Variants in ZNF280C observed in about 807,000 individuals in gnomAD.
ZNF280C encodes the protein zinc finger protein 280C.
ZNF280C carries 14 observed loss-of-function variants against 53.6 expected under a neutral mutation model. The ratio of observed to expected loss-of-function variants is 0.26; its 90% CI spans 0.17 to 0.41. The LOEUF (loss-of-function observed/expected upper bound fraction) is 0.41, where lower values mean the gene tolerates loss of function less well. ZNF280C is among the 10% of genes least tolerant of loss of function. The probability of loss-of-function intolerance (pLI) is 1.00; values close to 1 mark genes in which losing one functional copy is unlikely to be tolerated. For synonymous variants in ZNF280C, 203 were observed against 181.1 expected (o/e 1.12, Z -0.97); for missense variants, 416 against 547.1 (o/e 0.76, Z 2.39).
intron 1 of ZNF280C, among the ~76,000 whole-genome samples, chrX:130,266,358 G>A (rs1355693008): frequency 9.0e-6 from 1 of 111,480 alleles, no homozygotes; most frequent in Non-Finnish European, 1.9e-5. Context: ...TGGGACAGAT[G>A]GGGAAAAGAT....
intron 5 of ZNF280C, among the ~76,000 whole-genome samples, chrX:130,241,913 TTCC>T (rs2032394244): frequency 9.3e-6 from 1 of 107,718 alleles, no homozygotes; most frequent in Non-Finnish European, 1.9e-5. Flanking sequence ...GAGCCTGAGT[TTCC>T]TCAACTATAA....
At chrX:130,206,476 C>A (rs1398287932) in intron 16 of ZNF280C, among the ~76,000 whole-genome samples, 1 of 106,620 alleles carries the variant, frequency 9.4e-6, no homozygotes, top group Admixed American at 1.0e-4. Flanking sequence ...ATGCCATTCT[C>A]CTGCCTCAGC....
chrX:130,226,999 A>G, intron 11 of ZNF280C, 94 bp from the exon 12 acceptor site: 1 of 791,885 alleles, frequency 1.3e-6, no homozygotes, highest in Non-Finnish European at 1.8e-6. Flanking sequence ...TGTTTGGAAG[A>G]ACATGTACTA....
intron 1 of ZNF280C, among the ~76,000 whole-genome samples, chrX:130,268,122 A>G (rs1241482420): frequency 9.0e-6 from 1 of 111,719 alleles, no homozygotes; most frequent in Non-Finnish European, 1.9e-5. Context: ...GTTAGAATAT[A>G]GTGTATTTAA....
chrX:130,255,670 G>A (rs1395992888), intron 2 of ZNF280C, among the ~76,000 whole-genome samples: 1 of 112,003 alleles, frequency 8.9e-6, no homozygotes, highest in African/African-American at 3.2e-5. Flanking sequence ...GAAATTGCCA[G>A]GTGGCTGAGT....
In ZNF280C at chrX:130,239,615, G is replaced by T; in HGVS notation, c.460C>A (p.Pro154Thr). The change falls in exon 6 of 19, where the codon CCA (proline) becomes ACA (threonine). Residue 154 changes from proline to threonine, a missense_variant. Around this residue, in one of 3 missense-constraint regions of ZNF280C, gnomAD observed 193 missense variants for 201.4 expected, o/e 0.96. Coordinates refer to ENST00000370978, the MANE Select transcript of ZNF280C (RefSeq NM_017666.5). ...LFDSTQESLP[P>T]SQDIPAIFRE... The stretch of plus-strand genomic sequence containing the variant: ...AAAATTGCTGGTATGTCTTGGGATG[G>T]TGGTAGTGATTCCTGGGTCGAGTCA... 1 of 1,200,769 alleles carries T rather than the reference G, an allele frequency of 8.3e-7. No individual in the cohort carries two copies. The highest frequency in any genetic ancestry group is 1.1e-6 in the Non-Finnish European group (1 of 886,718).
intron 5 of ZNF280C, among the ~76,000 whole-genome samples, chrX:130,240,630 A>G (rs1441408466): frequency 3.6e-5 from 4 of 112,541 alleles, no homozygotes; most frequent in Non-Finnish European, 7.5e-5. Flanking sequence ...TAACACTTTC[A>G]ACCTTTTCTG....
chrX:130,213,079 C>T (rs993202059), intron 15 of ZNF280C, among the ~76,000 whole-genome samples: 3 of 112,049 alleles, frequency 2.7e-5, no homozygotes, highest in Non-Finnish European at 5.6e-5. Flanking sequence ...TTTGGCCGGG[C>T]GTGGTGGCTC....
intron 16 of ZNF280C, among the ~76,000 whole-genome samples, chrX:130,208,278 C>T (rs1327302681): frequency 2.7e-5 from 3 of 110,729 alleles, no homozygotes; most frequent in South Asian, 3.8e-4. Flanking sequence ...GACAGGCATG[C>T]GCCACCACGC....
intron 4 of ZNF280C, 48 bp downstream of exon 4, chrX:130,243,752 T>C (rs1299034148): frequency 2.6e-6 from 3 of 1,167,911 alleles, no homozygotes; most frequent in African/African-American, 1.8e-5. Flanking sequence ...CAACCAATTA[T>C]ATCAAAATAT....
chrX:130,209,760 C>A, intron 15 of ZNF280C, 45 bp from the exon 16 acceptor site: 1 of 1,018,468 alleles, frequency 9.8e-7, no homozygotes, highest in Non-Finnish European at 1.4e-6. Flanking sequence ...TTTTATTATA[C>A]AACACCATAT....
At chrX:130,210,434 G>GTTATAA (rs1224364098) in intron 15 of ZNF280C, among the ~76,000 whole-genome samples, 1 of 112,050 alleles carries the variant, frequency 8.9e-6, no homozygotes, top group Non-Finnish European at 1.9e-5. Flanking sequence ...GATAGAAATT[G>GTTATAA]TTATAATAAT....
intron 5 of ZNF280C, among the ~76,000 whole-genome samples, chrX:130,242,706 A>AT (rs757316410): frequency 7.7e-4 from 85 of 110,195 alleles, no homozygotes; most frequent in Non-Finnish European, 1.3e-3. Context: ...CGCCTGGCTA[A>AT]TTTTTTTTTA....
chrX:130,214,694 C>T (rs986659555), intron 15 of ZNF280C, among the ~76,000 whole-genome samples: 1 of 111,429 alleles, frequency 9.0e-6, no homozygotes, highest in African/African-American at 3.3e-5. Flanking sequence ...ACCTATGATA[C>T]CTAATACAAT....
chrX:130,216,983 C>T lies in ZNF280C; in HGVS notation c.1528-882G>A, dbSNP rs1048319972. The stretch of plus-strand genomic sequence containing the variant: ...CCACTGCACTCCAGCCTGGGCAACA[C>T]GGCAAGACTCCGTCTCAAAAACAAA... On this transcript the variant is annotated intron_variant, in intron 13 of 18. Coordinates refer to ENST00000370978, the MANE Select transcript of ZNF280C (RefSeq NM_017666.5). 5.4e-5 allele frequency among the ~76,000 whole-genome samples: 6 copies of T among 111,130 alleles called. No individual in the cohort carries two copies. In the South Asian group the frequency reaches 1.5e-3, roughly 28 times the overall value.
rs763555257 is a variant in ZNF280C at position 130,209,647 on chromosome X, G to A, written c.2042+6C>T. Reference sequence around the variant, plus strand: ...ATTGAAAGAAAAAAAAAAGATCAATGATTACCTGAGAGTTCCTGAATGCTT... The same window carrying A: ...ATTGAAAGAAAAAAAAAAGATCAATAATTACCTGAGAGTTCCTGAATGCTT... On this transcript the variant is annotated splice_donor_region_variant and intron_variant, in intron 16 of 18. Coordinates refer to ENST00000370978, the MANE Select transcript of ZNF280C (RefSeq NM_017666.5). 3.4e-6 allele frequency: 4 copies of A among 1,190,550 alleles called. No homozygotes were observed. The African/African-American group carries it at 7.1e-5, about 21-fold the overall frequency.
At chrX:130,242,135 C>T (rs777785960) in intron 5 of ZNF280C, among the ~76,000 whole-genome samples, 6 of 109,550 alleles carry the variant, frequency 5.5e-5, no homozygotes, top group African/African-American at 1.3e-4. Context: ...ACCAGCTACT[C>T]GGGAGGCTGA....
At chrX:130,238,519 T>C (rs1223497370) in intron 6 of ZNF280C, among the ~76,000 whole-genome samples, 1 of 111,624 alleles carries the variant, frequency 9.0e-6, no homozygotes, top group African/African-American at 3.2e-5. Flanking sequence ...CTATTTACTA[T>C]TCAGGACAAA....
intron 2 of ZNF280C, among the ~76,000 whole-genome samples, chrX:130,257,400 G>T (rs745343527): frequency 1.8e-5 from 2 of 111,135 alleles, no homozygotes; most frequent in East Asian, 5.6e-4. Flanking sequence ...CACTGAATAT[G>T]ATTTACTGAA....
Sources: gnomAD v4.1 joint callset for allele counts (sites outside exome capture counted in the v4.1 genomes callset) on GRCh38, gnomAD v4.1.1 for gene constraint, gnomAD v4.1.1 regional missense constraint, MANE v1.5 for transcripts, NCBI Gene and HGNC (gene_info 2026-07-23, HGNC 2026-07-21) for gene names.